Variants in H2BC18 observed in about 807,000 individuals in gnomAD.
H2BC18 encodes histone H2B type 2-F.
In H2BC18, 8 loss-of-function variants were observed where a neutral mutation model predicts 6.3. That is an observed-to-expected ratio of 1.28 (90% confidence interval 0.75 to 2.31). The LOEUF is 2.31. Ranked by LOEUF, H2BC18 falls within the 30% of genes most tolerant of loss-of-function variation. The pLI is 0.00. For synonymous variants in H2BC18, 104 were observed against 78.1 expected, an observed-to-expected ratio of 1.33 and a Z score of -1.75; for missense variants, 106 against 174.5, an observed-to-expected ratio of 0.61 and a Z score of 2.21.
intron 1 of H2BC18, chr1:149,794,003 G>C: frequency 1.2e-6 from 1 of 815,734 alleles, no homozygotes; most frequent in Non-Finnish European, 1.8e-6. Context: ...GAACCAGACA[G>C]AATGGAGGTA....
chr1:149,804,139 C>T (rs1474324971), intron 1 of H2BC18, among the ~76,000 whole-genome samples: 13 of 152,136 alleles, frequency 8.5e-5, no homozygotes, highest in Admixed American at 8.5e-4. Context: ...TTTCTATTCC[C>T]TTGACTTGTT....
In H2BC18 at chr1:149,802,061, C is replaced by T. The variant is rs1162578071; in HGVS notation, c.377+9886G>A. Among the ~76,000 whole-genome samples the T allele has an allele frequency of 2.0e-5, 3 of 152,096 alleles. No homozygotes were observed. The East Asian group carries it at 5.8e-4, about 29-fold the overall frequency. On this transcript the variant is annotated intron_variant, in intron 1 of 1. Coordinates refer to the H2BC18 transcript ENST00000545683. ...TTCAAGTTTTACTTGGTTAACTCTC[C>T]TGCTAATCTGAAAACTGTCTTCTAC...
intron 1 of H2BC18, chr1:149,789,975 G>T (rs2091660959): frequency 6.2e-7 from 1 of 1,612,352 alleles, no homozygotes; most frequent in Non-Finnish European, 8.5e-7. Flanking sequence ...GTTTCCCAAG[G>T]GGGTAAAGGG....
At position 149,811,985 on chromosome 1, in the gene H2BC18, G is replaced by T. The variant is rs781972291; in HGVS notation, c.339C>A (p.Ser113=). The T allele has an allele frequency of 1.9e-6, 3 of 1,613,728 alleles. No individual in the cohort carries two copies. The highest frequency in any genetic ancestry group is 2.5e-6 in the Non-Finnish European group (3 of 1,179,870). The change falls in exon 1 of 1, where the codon TCC becomes TCA. Residue 113 remains serine, a synonymous_variant. Transcript: ENST00000369167. ...ACTTGGTGACCGCCTTGGTGCCCTC[G>T]GACACGGCGTGCTTGGCCAGCTCGC... ...LPGELAKHAV[S]EGTKAVTKYT...
At chr1:149,807,696 C>CG (rs1559755705), downstream of H2BC18, among the ~76,000 whole-genome samples, 3 of 151,652 alleles carry the variant, frequency 2.0e-5, no homozygotes. Context: ...CCCAGCTACT[C>CG]GGGGGGCTGA....
chr1:149,786,299 GACTT>G (rs1553750839), intron 1 of H2BC18: 1 of 151,952 alleles, frequency 6.6e-6, no homozygotes, highest in Non-Finnish European at 1.5e-5. Context: ...TTTTCTTACT[GACTT>G]ACAGGAGTTA....
chr1:149,812,350 C>CT lies in H2BC18; in HGVS notation c.-28dup. ...TTTGCGCGAAAAAAGAGAAAAGAGA[C>CT]TTAAAGAAGTAATCCGAACTACCGC... On this transcript the variant is annotated 5_prime_UTR_variant, in exon 1 of 1. Coordinates refer to ENST00000369167, the MANE Select transcript of H2BC18 (RefSeq NM_001024599.5). 6.2e-7 allele frequency: 1 copy of CT among 1,614,042 alleles called. No individual in the cohort carries two copies. Among genetic ancestry groups the CT allele is most frequent in the Non-Finnish European group, 8.5e-7 (1 of 1,179,994 alleles).
intron 1 of H2BC18, among the ~76,000 whole-genome samples, chr1:149,795,897 A>G (rs1484645601): frequency 6.6e-6 from 1 of 151,298 alleles, no homozygotes; most frequent in African/African-American, 2.5e-5. Context: ...TTACCACAAC[A>G]TAGCCATAAT....
intron 1 of H2BC18, among the ~76,000 whole-genome samples, chr1:149,806,802 C>T (rs1553753924): frequency 6.6e-6 from 1 of 152,142 alleles, no homozygotes; most frequent in Non-Finnish European, 1.5e-5. Flanking sequence ...CAAGTGCAAA[C>T]ATCCTGAGAT....
chr1:149,809,080 T>C (rs1202765098), downstream of H2BC18, among the ~76,000 whole-genome samples: 4 of 137,054 alleles, frequency 2.9e-5, no homozygotes, highest in Admixed American at 3.0e-4. Flanking sequence ...GAAAAGATTA[T>C]GTAACCAATC....
chr1:149,811,523 G>A (rs2091973445), downstream of H2BC18: 2 of 201,970 alleles, frequency 9.9e-6, no homozygotes, highest in Non-Finnish European at 2.1e-5. Context: ...AGGTCGGACC[G>A]AGGGTTTCTC....
intron 1 of H2BC18, chr1:149,788,320 G>A (rs1373131694): frequency 1.9e-6 from 3 of 1,611,810 alleles, no homozygotes; most frequent in Admixed American, 1.7e-5. Context: ...GGGCCTCCTT[G>A]TACCTCCTCC....
At chr1:149,806,586 C>T (rs1402156108) in intron 1 of H2BC18, among the ~76,000 whole-genome samples, 2 of 150,614 alleles carry the variant, frequency 1.3e-5, no homozygotes, top group Admixed American at 1.3e-4. Context: ...AGACGCGAGA[C>T]TCCGTCTCAA....
chr1:149,790,470 G>C, intron 1 of H2BC18: 1 of 1,473,824 alleles, frequency 6.8e-7, no homozygotes, highest in Non-Finnish European at 9.2e-7. Context: ...CCCACAAGCA[G>C]GCCTTTCCAT....
chr1:149,788,244 A>G, intron 1 of H2BC18: 2 of 1,607,226 alleles, frequency 1.2e-6, no homozygotes, highest in Admixed American at 3.4e-5. Flanking sequence ...TAGGCCTGAG[A>G]TTTGGCAGAG....
At chr1:149,811,732 G>C (rs1553754472), downstream of H2BC18, 1 of 678,936 alleles carries the variant, frequency 1.5e-6, no homozygotes, top group South Asian at 1.9e-5. Context: ...AGACTGGACG[G>C]GGATGACTGA....
At chr1:149,811,289 C>G (rs2091969428), downstream of H2BC18, 1 of 157,802 alleles carries the variant, frequency 6.3e-6, no homozygotes, top group African/African-American at 2.4e-5. Flanking sequence ...CCTGACAACC[C>G]AAAACATCTA....
At chr1:149,803,815 G>T (rs1166422337) in intron 1 of H2BC18, 4 of 152,172 alleles carry the variant, frequency 2.6e-5, no homozygotes, top group African/African-American at 9.7e-5. Flanking sequence ...CTTGACCAAA[G>T]AAAAGAAATC....
chr1:149,789,736 C>T (rs1276113443), intron 1 of H2BC18, among the ~76,000 whole-genome samples: 3 of 152,238 alleles, frequency 2.0e-5, no homozygotes, highest in East Asian at 1.9e-4. Context: ...TGAGGTGGAA[C>T]AGTTACCTTC....
Sources: allele counts gnomAD v4.1 joint callset (sites outside exome capture counted in the v4.1 genomes callset), GRCh38; gene constraint gnomAD v4.1.1; transcripts MANE v1.5; gene names NCBI Gene and HGNC (gene_info 2026-07-23, HGNC 2026-07-21).